Variants in NTM observed in about 807,000 individuals in gnomAD.
NTM encodes IgLON family member 2.
In NTM, 13 loss-of-function variants were observed where a neutral mutation model predicts 42.1. The observed-to-expected ratio is 0.31, with a 90% CI of 0.20 to 0.49. The LOEUF (loss-of-function observed/expected upper bound fraction) is 0.49, where lower values mean the gene tolerates loss of function less well. Ranked by LOEUF, NTM falls within the 20% of genes least tolerant of loss-of-function variation. The pLI is 0.99. For synonymous variants in NTM, 187 were observed against 179.2 expected (o/e 1.04, Z -0.35); for missense variants, 373 against 452.8 (o/e 0.82, Z 1.60).
chr11:131,881,509 C>T (rs889039092), intron 1 of NTM, among the ~76,000 whole-genome samples: 8 of 145,618 alleles, frequency 5.5e-5, no homozygotes, highest in Non-Finnish European at 1.2e-4. Flanking sequence ...CACACACACA[C>T]CCCCCAAAGC....
chr11:131,796,040 C>T (rs1037097765), intron 1 of NTM: 5 of 985,226 alleles, frequency 5.1e-6, no homozygotes, highest in East Asian at 1.1e-4. Flanking sequence ...GCATGTGCAT[C>T]GAGGTGTAAT....
chr11:131,796,242 A>G (rs2091543827), intron 1 of NTM: 1 of 888,856 alleles, frequency 1.1e-6, no homozygotes, highest in Non-Finnish European at 1.3e-6. Flanking sequence ...GAGGCCATGC[A>G]CAGGTGCGGC....
At chr11:132,170,449 T>A (rs1045548182) in intron 3 of NTM, among the ~76,000 whole-genome samples, 4 of 152,212 alleles carry the variant, frequency 2.6e-5, no homozygotes, top group Non-Finnish European at 4.4e-5. Context: ...GATCCACATA[T>A]ACACCTCTCT....
At chr11:131,623,573 A>G (rs1028061645) in intron 1 of NTM, among the ~76,000 whole-genome samples, 5 of 152,246 alleles carry the variant, frequency 3.3e-5, no homozygotes, top group African/African-American at 9.6e-5. Flanking sequence ...GCAGCATGCT[A>G]GGAGCAAGAC....
chr11:131,375,911 CTCCCTCCT>C (rs1941911714), intron 1 of NTM, among the ~76,000 whole-genome samples: 1 of 152,212 alleles, frequency 6.6e-6, no homozygotes, highest in African/African-American at 2.4e-5. Flanking sequence ...CCCATTCTCT[CTCCCTCCT>C]TCCCTCCTTC....
intron 2 of NTM, among the ~76,000 whole-genome samples, chr11:131,943,225 A>G (rs1312388797): frequency 3.3e-5 from 5 of 152,040 alleles, no homozygotes; most frequent in African/African-American, 1.2e-4. Flanking sequence ...CCGCATCTCC[A>G]CTAAGGAAGC....
At chr11:132,172,276 A>G (rs2076218500) in intron 3 of NTM, among the ~76,000 whole-genome samples, 1 of 152,252 alleles carries the variant, frequency 6.6e-6, no homozygotes, top group Non-Finnish European at 1.5e-5. Flanking sequence ...GACAGATCTC[A>G]TACAGAGATG....
chr11:131,626,111 AATTTT>A (rs1339585130), intron 1 of NTM, among the ~76,000 whole-genome samples: 2 of 152,144 alleles, frequency 1.3e-5, no homozygotes, highest in Non-Finnish European at 2.9e-5. Flanking sequence ...AAATAAATTT[AATTTT>A]AAGAATCCAA....
chr11:131,823,387 A>G (rs1316160549), intron 1 of NTM, among the ~76,000 whole-genome samples: 1 of 152,208 alleles, frequency 6.6e-6, no homozygotes, highest in Admixed American at 6.5e-5. Context: ...GGTAAGCACG[A>G]AATTAGAGGG....
At chr11:131,400,391 C>T (rs181161851) in intron 1 of NTM, among the ~76,000 whole-genome samples, 1 of 152,276 alleles carries the variant, frequency 6.6e-6, no homozygotes, top group African/African-American at 2.4e-5. Context: ...TCCAAATGCA[C>T]AATCTTTATT....
At chr11:131,964,358 T>C (rs1169263201) in intron 2 of NTM, among the ~76,000 whole-genome samples, 2 of 152,212 alleles carry the variant, frequency 1.3e-5, no homozygotes, top group African/African-American at 4.8e-5. Flanking sequence ...GTTTTCCGTG[T>C]ATTTTTAACT....
chr11:131,429,296 T>G (rs1271387027), intron 1 of NTM, among the ~76,000 whole-genome samples: 2 of 151,764 alleles, frequency 1.3e-5, no homozygotes, highest in African/African-American at 4.8e-5. Context: ...ATAGGAGAAA[T>G]GGGGAGAACA....
chr11:131,961,051 T>C (rs1391738659), intron 2 of NTM, among the ~76,000 whole-genome samples: 1 of 152,156 alleles, frequency 6.6e-6, no homozygotes, highest in East Asian at 1.9e-4. Context: ...TCAGGCAGCC[T>C]AACCAGATTT....
chr11:131,988,105 T>A (rs1208315349), intron 2 of NTM, among the ~76,000 whole-genome samples: 15 of 152,236 alleles, frequency 9.9e-5, no homozygotes, highest in African/African-American at 3.4e-4. Context: ...TGGTGCCTTC[T>A]TGCTGTGTCC....
intron 2 of NTM, among the ~76,000 whole-genome samples, chr11:132,018,022 C>A (rs757848161): frequency 6.6e-6 from 1 of 151,912 alleles, no homozygotes; most frequent in African/African-American, 2.4e-5. Flanking sequence ...TTTTTGTGCA[C>A]TCTTTAGAAT....
intron 1 of NTM, chr11:131,794,428 T>G (rs147478595): frequency 1.0e-6 from 1 of 962,828 alleles, no homozygotes. Context: ...GTAGTTTCTG[T>G]GTAAGCGAAT....
intron 1 of NTM, among the ~76,000 whole-genome samples, chr11:131,629,557 C>T (rs1401146995): frequency 6.6e-6 from 1 of 152,176 alleles, no homozygotes; most frequent in Non-Finnish European, 1.5e-5. Context: ...CACTCTGTTG[C>T]CTCTTACTCA....
intron 1 of NTM, among the ~76,000 whole-genome samples, chr11:131,546,233 T>G (rs1255606360): frequency 6.6e-6 from 1 of 152,160 alleles, no homozygotes; most frequent in African/African-American, 2.4e-5. Flanking sequence ...TAAAATAGGT[T>G]GAGTATAAGC....
chr11:132,319,874 G>T (rs983669545), intron 7 of NTM, among the ~76,000 whole-genome samples: 3 of 152,128 alleles, frequency 2.0e-5, no homozygotes, highest in African/African-American at 4.8e-5. Context: ...CCCCAGTAGG[G>T]GCAGACTGAC....
Sources: allele counts gnomAD v4.1 joint callset (sites outside exome capture counted in the v4.1 genomes callset), GRCh38; gene constraint gnomAD v4.1.1; transcripts MANE v1.5; gene names NCBI Gene and HGNC (gene_info 2026-07-23, HGNC 2026-07-21).